The following ATF7IP variants were observed in gnomAD, a reference collection of about 807,000 sequenced individuals.
The protein encoded by ATF7IP is activating transcription factor 7-interacting protein 1.
ATF7IP carries 23 observed loss-of-function variants against 106.4 expected under a neutral mutation model. The ratio of observed to expected loss-of-function variants is 0.22; its 90% confidence interval spans 0.16 to 0.31. ATF7IP has a LOEUF of 0.31. Among genes scored for constraint, ATF7IP ranks in the 10% least tolerant of loss-of-function variants. The pLI is 1.00. For synonymous variants in ATF7IP, 542 were observed against 539.0 expected, an observed-to-expected ratio of 1.01 and a Z score of -0.08; for missense variants, 1,334 against 1,524.3, an observed-to-expected ratio of 0.88 and a Z score of 2.08.
At chr12:14,373,652 T>G (rs1431178331) in intron 1 of ATF7IP, among the ~76,000 whole-genome samples, 2 of 152,206 alleles carry the variant, frequency 1.3e-5, no homozygotes, top group Non-Finnish European at 2.9e-5. Context: ...GAATAGCATT[T>G]TCTGCTATAT....
chr12:14,460,944 C>T lies in ATF7IP; in HGVS notation c.2608C>T (p.Leu870Phe). Residue 870 changes from leucine to phenylalanine, a missense_variant, in exon 9 of 15, where the codon CTT becomes TTT. Transcript: ENST00000261168. ...CAGTGCTGCACCATTGGGAACAACA[C>T]TTGCTGTGCAGGCTGTTCCAACAGC... is the stretch of plus-strand genomic sequence containing the variant. ...TASAAPLGTT[L>F]AVQAVPTAHS... 6.2e-7 allele frequency: 1 copy of T among 1,614,210 alleles called. No individual in the cohort carries two copies. Among genetic ancestry groups the T allele is most frequent in the Non-Finnish European group, 8.5e-7 (1 of 1,180,028 alleles).
chr12:14,379,336 A>G (rs1938906072), intron 1 of ATF7IP, among the ~76,000 whole-genome samples: 1 of 152,186 alleles, frequency 6.6e-6, no homozygotes, highest in Non-Finnish European at 1.5e-5. Flanking sequence ...GAACCCGAGC[A>G]GATACACTGT....
At chr12:14,496,129 C>A in intron 13 of ATF7IP, 102 bp from the exon 14 acceptor site, 1 of 719,076 alleles carries the variant, frequency 1.4e-6, no homozygotes, top group Non-Finnish European at 2.3e-6. Flanking sequence ...CCTTTCGAAT[C>A]TTGAAAACAT....
intron 7 of ATF7IP, 42 bp downstream of exon 7, chr12:14,456,676 A>T (rs2064173499): frequency 2.2e-6 from 3 of 1,373,094 alleles, no homozygotes; most frequent in Non-Finnish European, 3.1e-6. Flanking sequence ...AACAGAACAA[A>T]GTTCTACTTT....
intron 1 of ATF7IP, among the ~76,000 whole-genome samples, chr12:14,413,618 GATTT>G (rs1188263139): frequency 2.6e-5 from 4 of 152,062 alleles, no homozygotes; most frequent in Non-Finnish European, 5.9e-5. Context: ...TATAATTATT[GATTT>G]ATTAATTCAC....
chr12:14,485,829 G>A (rs1944589369), intron 13 of ATF7IP, among the ~76,000 whole-genome samples: 1 of 152,198 alleles, frequency 6.6e-6, no homozygotes, highest in African/African-American at 2.4e-5. Context: ...ACTTGATTAA[G>A]CTTACAGTAA....
chr12:14,470,346 T>A (rs1032514939), intron 10 of ATF7IP, among the ~76,000 whole-genome samples: 2 of 152,196 alleles, frequency 1.3e-5, no homozygotes, highest in African/African-American at 4.8e-5. Flanking sequence ...ATTAGCTAAG[T>A]TTTTAATAAA....
chr12:14,400,063 G>A (rs1286099683), intron 1 of ATF7IP, among the ~76,000 whole-genome samples: 1 of 152,224 alleles, frequency 6.6e-6, no homozygotes, highest in Non-Finnish European at 1.5e-5. Flanking sequence ...TAGCATGGAA[G>A]AGAGAATGTC....
intron 5 of ATF7IP, among the ~76,000 whole-genome samples, chr12:14,445,634 C>G (rs1320660553): frequency 6.6e-6 from 1 of 152,100 alleles, no homozygotes; most frequent in Non-Finnish European, 1.5e-5. Context: ...AAATCTTTAC[C>G]TTTGAGAGTC....
chr12:14,399,072 A>G (rs1467786649), intron 1 of ATF7IP, among the ~76,000 whole-genome samples: 2 of 152,140 alleles, frequency 1.3e-5, no homozygotes, highest in Admixed American at 1.3e-4. Flanking sequence ...TATTTTAAAG[A>G]TGATTGATCC....
chr12:14,467,859 G>GT (rs1444994641), intron 10 of ATF7IP, among the ~76,000 whole-genome samples: 2 of 151,776 alleles, frequency 1.3e-5, no homozygotes, highest in African/African-American at 2.4e-5. Context: ...CCATTTCAAG[G>GT]TTCAGTAGCT....
At chr12:14,423,312 A>G (rs1008267822) in intron 1 of ATF7IP, among the ~76,000 whole-genome samples, 1 of 152,084 alleles carries the variant, frequency 6.6e-6, no homozygotes, top group Admixed American at 6.5e-5. Flanking sequence ...TATTCTAGAT[A>G]TGAAATTCTA....
intron 13 of ATF7IP, among the ~76,000 whole-genome samples, chr12:14,485,002 T>C (rs1944554051): frequency 6.6e-6 from 1 of 152,154 alleles, no homozygotes; most frequent in East Asian, 1.9e-4. Context: ...AGTAGTTACC[T>C]GCAAAAGATG....
At chr12:14,408,403 T>C in intron 1 of ATF7IP, 1 of 152,182 alleles carries the variant, frequency 6.6e-6, no homozygotes, top group East Asian at 1.9e-4. Context: ...ATTTCTTCTC[T>C]TATGGCTGTC....
chr12:14,416,618 G>C (rs1218974686), intron 1 of ATF7IP, among the ~76,000 whole-genome samples: 2 of 152,164 alleles, frequency 1.3e-5, no homozygotes, highest in Non-Finnish European at 2.9e-5. Context: ...ACAGACCCTA[G>C]TTTATTTAAT....
At chr12:14,452,123 G>C (rs1413937863) in intron 6 of ATF7IP, among the ~76,000 whole-genome samples, 2 of 151,964 alleles carry the variant, frequency 1.3e-5, no homozygotes, top group Non-Finnish European at 2.9e-5. Flanking sequence ...GACAGTTTTT[G>C]ACCTAAAGTC....
At chr12:14,483,635 A>G (rs1379287716) in intron 13 of ATF7IP, among the ~76,000 whole-genome samples, 3 of 151,782 alleles carry the variant, frequency 2.0e-5, no homozygotes, top group Non-Finnish European at 2.9e-5. Context: ...TTCCACTTCC[A>G]CCCCCTGATT....
intron 1 of ATF7IP, among the ~76,000 whole-genome samples, chr12:14,379,103 G>A (rs574116650): frequency 7.9e-5 from 12 of 152,254 alleles, no homozygotes; most frequent in Admixed American, 2.0e-4. Context: ...GTGGGGCCTC[G>A]TGGGAGATAA....
intron 1 of ATF7IP, among the ~76,000 whole-genome samples, chr12:14,383,233 C>T (rs1939072541): frequency 6.6e-6 from 1 of 152,152 alleles, no homozygotes; most frequent in Non-Finnish European, 1.5e-5. Context: ...TAGTAGCCAG[C>T]AGCTTTCTCT....
Sources: gnomAD v4.1 joint callset for allele counts (sites outside exome capture counted in the v4.1 genomes callset) on GRCh38, gnomAD v4.1.1 for gene constraint, MANE v1.5 for transcripts, NCBI Gene and HGNC (gene_info 2026-07-23, HGNC 2026-07-21) for gene names.